The following SPIDR variants were observed in gnomAD, a reference collection of about 807,000 sequenced individuals.
SPIDR encodes the protein DNA repair-scaffolding protein.
A neutral mutation model predicts 104.6 loss-of-function variants in SPIDR; 93 were observed. The ratio of observed to expected loss-of-function variants is 0.89; its 90% CI spans 0.75 to 1.06. The LOEUF is 1.06. Among genes scored for constraint, SPIDR ranks in the 50% least tolerant of loss-of-function variants. The pLI, the probability that SPIDR is intolerant of heterozygous loss-of-function variation, is 0.00. For synonymous variants in SPIDR, 431 were observed against 416.9 expected, an observed-to-expected ratio of 1.03 and a Z score of -0.41; for missense variants, 1,154 against 1,111.2, an observed-to-expected ratio of 1.04 and a Z score of -0.55.
chr8:47,331,232 T>C (rs1388784680), intron 5 of SPIDR, among the ~76,000 whole-genome samples: 1 of 152,212 alleles, frequency 6.6e-6, no homozygotes, highest in East Asian at 1.9e-4. Context: ...TTTGATCATT[T>C]TTCTTTTTTA....
intron 7 of SPIDR, among the ~76,000 whole-genome samples, chr8:47,430,804 T>G (rs1028461062): frequency 6.6e-6 from 1 of 152,238 alleles, no homozygotes; most frequent in South Asian, 2.1e-4. Context: ...TTTTAAAAGT[T>G]GTTTTCAGTG....
At chr8:47,589,589 T>C (rs1157471311) in intron 8 of SPIDR, among the ~76,000 whole-genome samples, 1 of 152,138 alleles carries the variant, frequency 6.6e-6, no homozygotes, top group African/African-American at 2.4e-5. Flanking sequence ...AAATAATCTG[T>C]TTCATATAGC....
At chr8:47,551,587 G>C (rs2090493768) in intron 8 of SPIDR, among the ~76,000 whole-genome samples, 1 of 152,056 alleles carries the variant, frequency 6.6e-6, no homozygotes, top group African/African-American at 2.4e-5. Flanking sequence ...TCTGATGATA[G>C]TTTGTATTTC....
Position 47,284,096 on chromosome 8 carries a change from TA to T in SPIDR, c.256+4del. On this transcript the variant is annotated splice_donor_region_variant and intron_variant, in intron 3 of 19. Transcript: ENST00000297423. ...AATTATGCCCTAGACCCAAGCAAGG[TA>T]ACTATTTTGTTGATTTCTTGACAGA... is the stretch of plus-strand genomic sequence containing the variant. The T allele has an allele frequency of 6.2e-7, 1 of 1,606,344 alleles. No individual in the cohort carries two copies. The highest frequency in any genetic ancestry group is 8.5e-7 in the Non-Finnish European group (1 of 1,176,216).
chr8:47,735,369 C>T lies in SPIDR; in HGVS notation c.2667C>T (p.Ser889=), dbSNP rs751128787. The change falls in exon 20 of 20, where the codon TCC becomes TCT. Residue 889 remains serine, a synonymous_variant. Transcript: ENST00000297423. ...GGTTGTTAAATTGTTTTGTCCAGTC[C>T]GTAACCGCCCACCCGACCAGCTGCA... ...EVGLLNCFVQ[S]VTAHPTSCIG... 1.9e-6 allele frequency: 3 copies of T among 1,613,686 alleles called. No homozygotes were observed. Among genetic ancestry groups the T allele is most frequent in the East Asian group, 2.2e-5 (1 of 44,772 alleles).
At chr8:47,478,934 C>T (rs556342553) in intron 8 of SPIDR, among the ~76,000 whole-genome samples, 1 of 152,238 alleles carries the variant, frequency 6.6e-6, no homozygotes, top group African/African-American at 2.4e-5. Flanking sequence ...CTCATCCAAG[C>T]CGTTCTTAGC....
rs1350518838 is a variant in SPIDR at position 47,599,045 on chromosome 8, C to T, written c.1393C>T (p.Leu465Phe). ...AACCAGCACTCCCCTGAGGGATTCTCTCCTGGATGTGGTGGAAAGCCAGGG... is the reference window on the plus strand; with the variant it reads ...AACCAGCACTCCCCTGAGGGATTCTTTCCTGGATGTGGTGGAAAGCCAGGG... Reference protein sequence around the residue: ...IPTSTPLRDSLLDVVESQGAA... With the variant: ...IPTSTPLRDSFLDVVESQGAA... Residue 465 changes from leucine to phenylalanine, a missense_variant, in exon 10 of 20, where the codon CTC becomes TTC. Leu to Phe is a conservative substitution (Grantham distance 22). Coordinates refer to ENST00000297423, the MANE Select transcript of SPIDR (RefSeq NM_001080394.4). 4.3e-6 allele frequency: 7 copies of T among 1,612,996 alleles called. No individual in the cohort carries two copies. Among genetic ancestry groups the T allele is most frequent in the Non-Finnish European group, 5.9e-6 (7 of 1,179,500 alleles).
chr8:47,297,409 T>A (rs906942907), intron 5 of SPIDR, among the ~76,000 whole-genome samples: 1 of 152,190 alleles, frequency 6.6e-6, no homozygotes, highest in Non-Finnish European at 1.5e-5. Context: ...GTTGACAGTT[T>A]TTATCATGAA....
intron 1 of SPIDR, among the ~76,000 whole-genome samples, chr8:47,266,110 A>G (rs1488041474): frequency 2.0e-5 from 3 of 148,614 alleles, no homozygotes; most frequent in South Asian, 4.3e-4. Flanking sequence ...GTTGTTGTGC[A>G]TATCAGTAGT....
intron 5 of SPIDR, among the ~76,000 whole-genome samples, chr8:47,385,121 A>C (rs1588014026): frequency 6.6e-6 from 1 of 152,232 alleles, no homozygotes; most frequent in Non-Finnish European, 1.5e-5. Flanking sequence ...CAATTAGAAC[A>C]GTAGTTAAAG....
intron 8 of SPIDR, among the ~76,000 whole-genome samples, chr8:47,524,184 C>T (rs1386334588): frequency 6.6e-6 from 1 of 152,006 alleles, no homozygotes; most frequent in African/African-American, 2.4e-5. Context: ...TTACATTTAC[C>T]TGGGCATCCT....
chr8:47,498,237 T>C (rs1231084072), intron 8 of SPIDR, among the ~76,000 whole-genome samples: 5 of 152,198 alleles, frequency 3.3e-5, no homozygotes, highest in African/African-American at 1.2e-4. Flanking sequence ...GGAAGCACAT[T>C]GTTGGCCAGT....
intron 10 of SPIDR, among the ~76,000 whole-genome samples, chr8:47,604,739 A>G (rs977674256): frequency 2.0e-5 from 3 of 152,212 alleles, no homozygotes; most frequent in Admixed American, 6.5e-5. Context: ...GAGAAAAACT[A>G]TAGTGAGAGC....
rs1220114004 is a variant in SPIDR at position 47,331,965 on chromosome 8, CTTTTTTTTTTTTTTTTTTTTTCTCTTTTT to C, written c.525+37953_525+37981del. ...TTTCTATTTAAAAAATTTTTTTAAA[CTTTTTTTTTTTTTTTTTTTTTCTCTTTTT>C]TTTTTTTTTTTTTTTTTATTATACT... On this transcript the variant is annotated intron_variant, in intron 5 of 19. Transcript: ENST00000297423. Among the ~76,000 whole-genome samples the C allele has an allele frequency of 4.0e-4, 13 of 32,712 alleles. No homozygotes were observed. In the South Asian group the frequency reaches 6.7e-3, roughly 17 times the overall value. 21.5% of individuals were successfully genotyped at this position (32,712 alleles called of 152,430 possible).
At chr8:47,676,135 A>G (rs1478100965) in intron 11 of SPIDR, among the ~76,000 whole-genome samples, 1 of 152,242 alleles carries the variant, frequency 6.6e-6, no homozygotes, top group Admixed American at 6.5e-5. Context: ...CTTTATAGCC[A>G]TACATGTACC....
chr8:47,662,132 A>G lies in SPIDR; in HGVS notation c.1545-11669A>G, dbSNP rs1234160384. ...GCGCTCTGTCCCGCATCCCTTACTC[A>G]CAACTGTGCTCTCCAGCCTCTGCCT... On this transcript the variant is annotated intron_variant, in intron 10 of 19. Transcript: ENST00000297423. Among the ~76,000 whole-genome samples the G allele has an allele frequency of 2.6e-5, 4 of 152,080 alleles. No individual in the cohort carries two copies. The East Asian group carries it at 7.7e-4, about 29-fold the overall frequency.
At position 47,528,688 on chromosome 8, in the gene SPIDR, T is replaced by A. The variant is rs138256073; in HGVS notation, c.1098-67123T>A. Among the ~76,000 whole-genome samples, 867 of 151,866 alleles carry A rather than the reference T, an allele frequency of 5.7e-3. 12 individuals are homozygous for A. The highest frequency in any genetic ancestry group is 0.02 in the African/African-American group (828 of 41,382). ...GCCTTCGATGGGCTCATCAGTAGACTGGACATGGCCACTGAAAGAATTAGT... is the reference window on the plus strand; with the variant it reads ...GCCTTCGATGGGCTCATCAGTAGACAGGACATGGCCACTGAAAGAATTAGT... On this transcript the variant is annotated intron_variant, in intron 8 of 19. Coordinates refer to ENST00000297423, the MANE Select transcript of SPIDR (RefSeq NM_001080394.4).
chr8:47,727,993 T>C (rs1045573535), intron 17 of SPIDR, among the ~76,000 whole-genome samples: 5 of 152,036 alleles, frequency 3.3e-5, no homozygotes, highest in Admixed American at 1.3e-4. Context: ...GGCGCGTGCC[T>C]GTAATCCCAG....
At chr8:47,410,966 A>G (rs1167780403) in intron 7 of SPIDR, among the ~76,000 whole-genome samples, 3 of 152,150 alleles carry the variant, frequency 2.0e-5, no homozygotes, top group South Asian at 2.1e-4. Flanking sequence ...AGCTTCATCC[A>G]TGTCCCTACA....
Sources: allele counts gnomAD v4.1 joint callset (sites outside exome capture counted in the v4.1 genomes callset), GRCh38; gene constraint gnomAD v4.1.1; transcripts MANE v1.5; gene names NCBI Gene and HGNC (gene_info 2026-07-23, HGNC 2026-07-21).